KLF9: variants seen among roughly 807,000 people sequenced by gnomAD.
KLF9 encodes the protein KLF transcription factor 9, also known as Krueppel-like factor 9.
Under a neutral mutation model 17.3 loss-of-function variants are expected in KLF9, and 2 were observed. The observed-to-expected ratio is 0.12, with a 90% CI of 0.05 to 0.36. The LOEUF (loss-of-function observed/expected upper bound fraction) is 0.36. Ranked by LOEUF, KLF9 falls within the 10% of genes least tolerant of loss-of-function variation. The probability of loss-of-function intolerance (pLI) is 1.00; values close to 1 mark genes in which losing one functional copy is unlikely to be tolerated. For missense variants in KLF9, 226 were observed against 333.2 expected, an observed-to-expected ratio of 0.68 and a Z score of 2.51; for synonymous variants, 138 against 139.2, an observed-to-expected ratio of 0.99 and a Z score of 0.06.
intron 1 of KLF9, among the ~76,000 whole-genome samples, chr9:70,399,682 T>C (rs1339649284): frequency 6.6e-6 from 1 of 152,174 alleles, no homozygotes; most frequent in Non-Finnish European, 1.5e-5. Context: ...AGGTTTCAAA[T>C]TGCTCCTTCA....
At chr9:70,401,991 G>T (rs1161631565) in intron 1 of KLF9, among the ~76,000 whole-genome samples, 4 of 151,722 alleles carry the variant, frequency 2.6e-5, no homozygotes, top group Non-Finnish European at 5.9e-5. Context: ...TCCAGCCTGG[G>T]CAACAGAGCG....
chr9:70,389,841 A>G (rs1325362044), intron 1 of KLF9, among the ~76,000 whole-genome samples: 2 of 152,208 alleles, frequency 1.3e-5, no homozygotes, highest in Admixed American at 1.3e-4. Flanking sequence ...ACAGCTGACA[A>G]TAGCTGCTGC....
chr9:70,409,509 C>T (rs1297404658), intron 1 of KLF9, among the ~76,000 whole-genome samples: 1 of 152,018 alleles, frequency 6.6e-6, no homozygotes, highest in East Asian at 1.9e-4. Flanking sequence ...CCTTATAACA[C>T]TGCCTTTACC....
At chr9:70,408,900 G>T (rs544284910) in intron 1 of KLF9, among the ~76,000 whole-genome samples, 1 of 149,760 alleles carries the variant, frequency 6.7e-6, no homozygotes, top group African/African-American at 2.5e-5. Context: ...GAATGTGTTC[G>T]AAGAGGCTAA....
intron 1 of KLF9, among the ~76,000 whole-genome samples, chr9:70,401,737 G>C (rs543783191): frequency 3.3e-5 from 5 of 150,120 alleles, no homozygotes; most frequent in Non-Finnish European, 7.4e-5. Flanking sequence ...AAATTAGGCT[G>C]GCTGCAGTGG....
In KLF9 at chr9:70,385,617, A is replaced by C. The variant is rs890641589; in HGVS notation, c.*2159T>G. ...TTACAAGTTAGCAAGTTGCTAGGCA[A>C]CCCCAAACTCCTCACTCACTAAAAG... On this transcript the variant is annotated 3_prime_UTR_variant, in exon 2 of 2. Transcript: ENST00000377126. 3 of 152,554 alleles carry C rather than the reference A, an allele frequency of 2.0e-5. No individual in the cohort carries two copies. The South Asian group carries it at 6.2e-4, about 32-fold the overall frequency. The allele number at this position is 152,554 out of a possible 1,614,324, so 9.5% of individuals were successfully genotyped here. A position where few individuals can be genotyped will look rare whatever the true frequency, so the allele number is the denominator to read the frequency against.
At chr9:70,401,684 C>CAAAAAAAAAA (rs1281922820) in intron 1 of KLF9, among the ~76,000 whole-genome samples, 1 of 50,938 alleles carries the variant, frequency 2.0e-5, no homozygotes, top group Non-Finnish European at 3.2e-5. Context: ...AAGACTCCTT[C>CAAAAAAAAAA]ACAAAAAAAA....
intron 1 of KLF9, among the ~76,000 whole-genome samples, chr9:70,407,566 C>A (rs1485893330): frequency 2.6e-5 from 4 of 152,212 alleles, no homozygotes. Flanking sequence ...TTCTCAGAGG[C>A]CCCCCGACTG....
chr9:70,401,683 T>C (rs1209167363), intron 1 of KLF9, among the ~76,000 whole-genome samples: 1 of 74,678 alleles, frequency 1.3e-5, no homozygotes, highest in Admixed American at 1.8e-4. Flanking sequence ...CAAGACTCCT[T>C]CACAAAAAAA....
Position 70,413,249 on chromosome 9 carries a change from G to C in KLF9, c.115C>G (p.Pro39Ala). The C allele has an allele frequency of 1.2e-6, 2 of 1,613,824 alleles. No homozygotes were observed. Among genetic ancestry groups the C allele is most frequent in the Non-Finnish European group, 1.7e-6 (2 of 1,180,006 alleles). ...VAPDAERLRL[P>A]EREVTKEHGD... ...TGCTCCTTGGTCACCTCGCGCTCAG[G>C]TAGTCGCAGCCGCTCGGCGTCCGGA... Residue 39 changes from proline (P) to alanine (A), a missense_variant, in exon 1 of 2, where the codon CCT becomes GCT. By Grantham distance (27) the Pro-to-Ala change is conservative. Coordinates refer to ENST00000377126, the MANE Select transcript of KLF9 (RefSeq NM_001206.4). This position sits in a 1 kb window ranked among gnomAD's most constrained non-coding sequence, Gnocchi z 5.6.
At position 70,413,582 on chromosome 9, in the gene KLF9, T is replaced by G; in HGVS notation, c.-219A>C. 2 of 219,216 alleles carry G rather than the reference T, an allele frequency of 9.1e-6. No individual in the cohort carries two copies. The highest frequency in any genetic ancestry group is 1.6e-5 in the Non-Finnish European group (2 of 121,308). 13.6% of individuals were successfully genotyped at this position (219,216 alleles called of 1,614,324 possible). A position where few individuals can be genotyped will look rare whatever the true frequency, so the allele number is the denominator to read the frequency against. ...ACCGGCAGCGCCTCCGCACGCAGCA[T>G]CCACGGCCCCGGGCTCCGCCGCGCC... On this transcript the variant is annotated 5_prime_UTR_variant, in exon 1 of 2. It removes an upstream start codon present in the reference 5' UTR. Transcript: ENST00000377126. This position sits in a 1 kb window ranked among gnomAD's most constrained non-coding sequence, Gnocchi z 5.6.
In KLF9 at chr9:70,409,113, T is replaced by C. The variant is rs1485210317; in HGVS notation, c.505+3746A>G. On this transcript the variant is annotated intron_variant, in intron 1 of 1. Coordinates refer to ENST00000377126, the MANE Select transcript of KLF9 (RefSeq NM_001206.4). ...ATATGTATATATATGTGTATATATATACATATATGTATATATGTATACATA... is the reference window on the plus strand; with the variant it reads ...ATATGTATATATATGTGTATATATACACATATATGTATATATGTATACATA... 4.6e-4 allele frequency among the ~76,000 whole-genome samples: 42 copies of C among 90,756 alleles called. 3 individuals are homozygous for C. Among genetic ancestry groups the C allele is most frequent in the South Asian group, 1.1e-3 (3 of 2,846 alleles). 59.5% of individuals were successfully genotyped at this position (90,756 alleles called of 152,430 possible). A position where few individuals can be genotyped will look rare whatever the true frequency, so the allele number is the denominator to read the frequency against.
chr9:70,411,834 A>C (rs2037316102), intron 1 of KLF9, among the ~76,000 whole-genome samples: 2 of 152,192 alleles, frequency 1.3e-5, no homozygotes, highest in South Asian at 4.1e-4. Context: ...GAGAGGACCA[A>C]GCCCCGCTAC....
At chr9:70,391,434 G>T (rs935425923) in intron 1 of KLF9, among the ~76,000 whole-genome samples, 1 of 152,266 alleles carries the variant, frequency 6.6e-6, no homozygotes, top group East Asian at 1.9e-4. Context: ...TCTAATCCAA[G>T]TGCTGTCATT....
chr9:70,390,799 G>A (rs1031595884), intron 1 of KLF9, among the ~76,000 whole-genome samples: 5 of 152,050 alleles, frequency 3.3e-5, no homozygotes, highest in African/African-American at 1.2e-4. Context: ...GCAGTTATGG[G>A]GGAAATGTTT....
chr9:70,401,168 CAAA>C (rs199648240), intron 1 of KLF9, among the ~76,000 whole-genome samples: 7 of 116,020 alleles, frequency 6.0e-5, no homozygotes, highest in Admixed American at 8.4e-5. Flanking sequence ...ATCCCATCTC[CAAA>C]AAAAAAAAAA....
chr9:70,401,763 C>T (rs2037223950), intron 1 of KLF9, among the ~76,000 whole-genome samples: 1 of 151,080 alleles, frequency 6.6e-6, no homozygotes, highest in South Asian at 2.1e-4. Flanking sequence ...GCCTGTAATC[C>T]CAGCACTTTG....
intron 1 of KLF9, among the ~76,000 whole-genome samples, chr9:70,400,286 A>G (rs2037212436): frequency 6.6e-6 from 1 of 152,202 alleles, no homozygotes; most frequent in African/African-American, 2.4e-5. Flanking sequence ...ACCCAGAGCC[A>G]CTGATGTCAG....
intron 1 of KLF9, among the ~76,000 whole-genome samples, chr9:70,406,420 G>T (rs1459325000): frequency 6.6e-6 from 1 of 152,202 alleles, no homozygotes; most frequent in Non-Finnish European, 1.5e-5. Flanking sequence ...AAAGGGTGGG[G>T]ATGTGCTTTC....
Sources: allele counts gnomAD v4.1 joint callset (sites outside exome capture counted in the v4.1 genomes callset), GRCh38; gene constraint gnomAD v4.1.1; non-coding constraint Gnocchi (gnomAD v3.1); transcripts MANE v1.5; gene names NCBI Gene and HGNC (gene_info 2026-07-23, HGNC 2026-07-21).